Variants in DOCK1 observed in about 807,000 individuals in gnomAD.
DOCK1 encodes dedicator of cytokinesis 1.
In DOCK1, 138 loss-of-function variants were observed where a neutral mutation model predicts 262.7. The observed-to-expected ratio is 0.53, with a 90% CI of 0.46 to 0.61. DOCK1 has a LOEUF of 0.61. Among genes scored for constraint, DOCK1 ranks in the 20% least tolerant of loss-of-function variants. The pLI is 0.00. For missense variants in DOCK1, 1,908 were observed against 2,370.7 expected, an observed-to-expected ratio of 0.80 and a Z score of 4.05; for synonymous variants, 866 against 867.4, an observed-to-expected ratio of 1.00 and a Z score of 0.03.
intron 29 of DOCK1, among the ~76,000 whole-genome samples, chr10:127,316,302 T>G (rs970355750): frequency 2.0e-5 from 3 of 152,150 alleles, no homozygotes; most frequent in African/African-American, 7.2e-5. Context: ...TTAACTTATA[T>G]CTGCCCATTT....
At chr10:127,330,149 C>T (rs2062914462) in intron 29 of DOCK1, among the ~76,000 whole-genome samples, 2 of 152,132 alleles carry the variant, frequency 1.3e-5, no homozygotes, top group African/African-American at 4.8e-5. Flanking sequence ...GACCTAGAAA[C>T]AGGTGTGAAC....
chr10:127,120,439 A>G (rs1276750811), intron 25 of DOCK1, among the ~76,000 whole-genome samples: 1 of 152,234 alleles, frequency 6.6e-6, no homozygotes, highest in Non-Finnish European at 1.5e-5. Flanking sequence ...GATGAAATGA[A>G]TTTTAGCAAT....
chr10:127,109,676 A>G (rs71474206), intron 24 of DOCK1, among the ~76,000 whole-genome samples: 24,199 of 152,184 alleles, frequency 0.16, 2,302 homozygotes, highest in African/African-American at 0.26. Context: ...TAAAGTTTTC[A>G]AGGTTTCTCC....
At chr10:126,944,714 G>A (rs2035265661) in intron 1 of DOCK1, among the ~76,000 whole-genome samples, 1 of 152,114 alleles carries the variant, frequency 6.6e-6, no homozygotes, top group African/African-American at 2.4e-5. Context: ...GGTGGATTGG[G>A]GCTCGTGTGG....
At chr10:127,000,827 G>A (rs1287752147) in intron 10 of DOCK1, 1 of 149,870 alleles carries the variant, frequency 6.7e-6, no homozygotes, top group African/African-American at 3.1e-5. Flanking sequence ...CCTCTGCCAT[G>A]TTGGTGCTCT....
chr10:127,451,438 C>T lies in DOCK1; in HGVS notation c.*11C>T, dbSNP rs1244980703. The T allele has an allele frequency of 6.4e-7, 1 of 1,562,380 alleles. No individual in the cohort carries two copies. Among genetic ancestry groups the T allele is most frequent in the South Asian group, 1.2e-5 (1 of 84,480 alleles). ...GGGATCGTGCAGTGACGTCGCAAGC[C>T]TCTCTGGAAAGAGTGTGCTGCCCCT... On this transcript the variant is annotated 3_prime_UTR_variant, in exon 52 of 52. Coordinates refer to ENST00000623213, the MANE Select transcript of DOCK1 (RefSeq NM_001290223.2).
rs2036303303 is a variant in DOCK1 at position 126,952,114 on chromosome 10, GT to G, written c.47-18587del. On this transcript the variant is annotated intron_variant, in intron 1 of 51. Transcript: ENST00000623213. ...CCGCCCACCTCGGCCTCCCAGAGGG[GT>G]GGGATTACAGGCATGAGCTACCATG... 3.3e-5 allele frequency among the ~76,000 whole-genome samples: 5 copies of G among 152,098 alleles called. No individual in the cohort carries two copies. The South Asian group carries it at 8.3e-4, about 25-fold the overall frequency.
At chr10:127,084,874 G>A (rs910510926) in intron 23 of DOCK1, among the ~76,000 whole-genome samples, 1 of 151,764 alleles carries the variant, frequency 6.6e-6, no homozygotes, top group Non-Finnish European at 1.5e-5. Context: ...TGAAGACTTG[G>A]GTGATGGGAG....
chr10:126,947,211 G>C (rs1443949260), intron 1 of DOCK1, among the ~76,000 whole-genome samples: 1 of 150,844 alleles, frequency 6.6e-6, no homozygotes, highest in Admixed American at 6.6e-5. Flanking sequence ...GTTTACCTCT[G>C]CCATGATGAT....
chr10:127,419,407 C>G (rs2068362047), intron 45 of DOCK1, among the ~76,000 whole-genome samples: 1 of 152,176 alleles, frequency 6.6e-6, no homozygotes, highest in Non-Finnish European at 1.5e-5. Context: ...ACCAAGCCAC[C>G]AGGTCAGCTG....
At chr10:127,027,321 G>T (rs1027356247) in intron 16 of DOCK1, among the ~76,000 whole-genome samples, 5 of 152,356 alleles carry the variant, frequency 3.3e-5, no homozygotes, top group African/African-American at 1.2e-4. Flanking sequence ...TCTGGCTGGT[G>T]CCGTGGCTCA....
At chr10:127,353,919 G>A (rs2064011277) in intron 31 of DOCK1, among the ~76,000 whole-genome samples, 2 of 152,210 alleles carry the variant, frequency 1.3e-5, no homozygotes, top group Non-Finnish European at 2.9e-5. Context: ...CTCCTGACAC[G>A]AGGATGAGCA....
At chr10:127,434,884 C>T (rs896280271) in intron 48 of DOCK1, among the ~76,000 whole-genome samples, 7 of 152,102 alleles carry the variant, frequency 4.6e-5, no homozygotes, top group Admixed American at 4.6e-4. Flanking sequence ...GATCTCCTGA[C>T]CTCATGATCC....
At chr10:127,126,082 A>C in intron 26 of DOCK1, among the ~76,000 whole-genome samples, 1 of 108,936 alleles carries the variant, frequency 9.2e-6, no homozygotes, top group Non-Finnish European at 1.8e-5. Flanking sequence ...GCTCTACCCT[A>C]TTCCTTTTTT....
At chr10:127,020,125 A>G (rs945912666) in intron 13 of DOCK1, among the ~76,000 whole-genome samples, 2 of 152,240 alleles carry the variant, frequency 1.3e-5, no homozygotes, top group African/African-American at 4.8e-5. Flanking sequence ...CTGTACAGAA[A>G]GAAAAGCATG....
Position 127,012,185 on chromosome 10 carries a change from CT to C in DOCK1, c.1059-46del. 3.9e-6 allele frequency: 4 copies of C among 1,026,366 alleles called. No individual in the cohort carries two copies. Among genetic ancestry groups the C allele is most frequent in the Non-Finnish European group, 3.1e-6 (2 of 651,406 alleles). The allele number at this position is 1,026,366 out of a possible 1,614,324, so 63.6% of individuals were successfully genotyped here. ...CCTTGTTACCGTGGCCCATGGGTCT[CT>C]GTGCCCCTTTGTCTCCTGTGGTCTT... is the stretch of plus-strand genomic sequence containing the variant. On this transcript the variant is annotated intron_variant, in intron 11 of 51. Transcript: ENST00000623213. The surrounding 1 kb of genome is among the most constrained non-coding windows in gnomAD (Gnocchi z 4.0).
intron 40 of DOCK1, among the ~76,000 whole-genome samples, chr10:127,407,834 C>A (rs920001544): frequency 1.3e-5 from 2 of 151,952 alleles, no homozygotes; most frequent in Non-Finnish European, 2.9e-5. Flanking sequence ...AAAGTGTTAC[C>A]CCCCCAACCC....
At chr10:126,918,551 CTT>C (rs2032785253) in intron 1 of DOCK1, among the ~76,000 whole-genome samples, 1 of 152,230 alleles carries the variant, frequency 6.6e-6, no homozygotes, top group African/African-American at 2.4e-5. Flanking sequence ...TTGCTGGATA[CTT>C]AGCAGGGCCT....
At chr10:127,441,031 A>G (rs1306946455) in intron 49 of DOCK1, among the ~76,000 whole-genome samples, 1 of 152,250 alleles carries the variant, frequency 6.6e-6, no homozygotes, top group Non-Finnish European at 1.5e-5. Context: ...GAACAGAAGC[A>G]TTTTTGAATA....
Sources: gnomAD v4.1 joint callset for allele counts (sites outside exome capture counted in the v4.1 genomes callset) on GRCh38, gnomAD v4.1.1 for gene constraint, Gnocchi (gnomAD v3.1) non-coding constraint, MANE v1.5 for transcripts, NCBI Gene and HGNC (gene_info 2026-07-23, HGNC 2026-07-21) for gene names.